Variants in WDR41 observed in about 807,000 individuals in gnomAD.
WDR41 encodes WD repeat domain 41.
A neutral mutation model predicts 69.3 loss-of-function variants in WDR41; 63 were observed. That is an observed-to-expected ratio of 0.91 (90% CI 0.74 to 1.12). The LOEUF is 1.12. Ranked by LOEUF, WDR41 falls within the 50% of genes most tolerant of loss-of-function variation. The pLI, the probability that WDR41 is intolerant of heterozygous loss-of-function variation, is 0.00. For missense variants in WDR41, 543 were observed against 534.5 expected, an observed-to-expected ratio of 1.02 and a Z score of -0.16; for synonymous variants, 185 against 192.1, an observed-to-expected ratio of 0.96 and a Z score of 0.31.
intron 1 of WDR41, among the ~76,000 whole-genome samples, chr5:77,611,387 AT>A (rs1237430347): frequency 6.6e-6 from 1 of 152,260 alleles, no homozygotes; most frequent in Non-Finnish European, 1.5e-5. Context: ...CTATTCCAAA[AT>A]TGACCACATA....
intron 7 of WDR41, among the ~76,000 whole-genome samples, chr5:77,450,811 A>G (rs1799597833): frequency 6.6e-6 from 1 of 152,160 alleles, no homozygotes; most frequent in South Asian, 2.1e-4. Context: ...TTTCTTTCTC[A>G]CATTTCTCTC....
At chr5:77,610,530 C>T (rs1277703985) in intron 1 of WDR41, among the ~76,000 whole-genome samples, 1 of 151,790 alleles carries the variant, frequency 6.6e-6, no homozygotes, top group Non-Finnish European at 1.5e-5. Flanking sequence ...AATTTTCAAC[C>T]CAGAATTTCA....
At chr5:77,495,764 A>G (rs1214232107), upstream of WDR41, among the ~76,000 whole-genome samples, 1 of 150,508 alleles carries the variant, frequency 6.6e-6, no homozygotes, top group Non-Finnish European at 1.5e-5. Context: ...TTAACTCCTT[A>G]TACAAGGCCA....
intron 2 of WDR41, among the ~76,000 whole-genome samples, chr5:77,474,509 G>C (rs532089470): frequency 2.0e-5 from 3 of 152,228 alleles, no homozygotes; most frequent in Middle Eastern, 6.8e-3. Flanking sequence ...AATTAGAGAA[G>C]CATCCAGATA....
At chr5:77,618,787 G>T (rs145918513) in intron 1 of WDR41, among the ~76,000 whole-genome samples, 4 of 152,308 alleles carry the variant, frequency 2.6e-5, no homozygotes, top group African/African-American at 9.6e-5. Context: ...GAACATGTGA[G>T]GACCTGTCAA....
intron 1 of WDR41, among the ~76,000 whole-genome samples, chr5:77,594,224 T>A (rs989339598): frequency 1.6e-4 from 21 of 130,432 alleles, no homozygotes; most frequent in Non-Finnish European, 2.8e-4. Flanking sequence ...ATGAGAACAC[T>A]TGGACACAGG....
chr5:77,582,079 T>G (rs1743949512), intron 1 of WDR41, among the ~76,000 whole-genome samples: 1 of 152,038 alleles, frequency 6.6e-6, no homozygotes. Context: ...TCAACAAAAT[T>G]GACAAACCTT....
chr5:77,571,940 T>C (rs1334631451), intron 1 of WDR41, among the ~76,000 whole-genome samples: 1 of 152,154 alleles, frequency 6.6e-6, no homozygotes, highest in Non-Finnish European at 1.5e-5. Context: ...GCATTCTTAG[T>C]GCCTGGATAA....
chr5:77,492,686 C>T (rs953049779), upstream of WDR41: 1 of 160,258 alleles, frequency 6.2e-6, no homozygotes, highest in African/African-American at 2.4e-5. Context: ...GGAAATCTCC[C>T]CTGCTTTCCC....
At chr5:77,527,576 T>C (rs1023083997) in intron 1 of WDR41, among the ~76,000 whole-genome samples, 2 of 151,842 alleles carry the variant, frequency 1.3e-5, no homozygotes, top group Non-Finnish European at 3.0e-5. Flanking sequence ...ACTATACAAT[T>C]TAAACAGAAG....
chr5:77,454,199 A>G (rs150583766), intron 5 of WDR41, among the ~76,000 whole-genome samples: 123 of 152,288 alleles, frequency 8.1e-4, no homozygotes, highest in Non-Finnish European at 1.2e-3. Context: ...TAAGGTGAAG[A>G]CACTAAAGCA....
chr5:77,480,367 A>G (rs1227983753), intron 2 of WDR41, among the ~76,000 whole-genome samples: 1 of 152,148 alleles, frequency 6.6e-6, no homozygotes, highest in Non-Finnish European at 1.5e-5. Flanking sequence ...ATAAAGACAC[A>G]TGCATACGTA....
At chr5:77,596,524 T>C (rs1744231150) in intron 1 of WDR41, among the ~76,000 whole-genome samples, 1 of 152,036 alleles carries the variant, frequency 6.6e-6, no homozygotes, top group African/African-American at 2.4e-5. Flanking sequence ...TCATCAAAAA[T>C]GTTCTTAAAC....
intron 1 of WDR41, among the ~76,000 whole-genome samples, chr5:77,490,021 G>A (rs975118576): frequency 1.3e-5 from 2 of 152,088 alleles, no homozygotes; most frequent in Non-Finnish European, 2.9e-5. Context: ...CTCAATACAT[G>A]CTTGCTAAAT....
intron 1 of WDR41, among the ~76,000 whole-genome samples, chr5:77,520,553 G>A (rs1359889481): frequency 1.3e-5 from 2 of 152,130 alleles, no homozygotes; most frequent in Non-Finnish European, 2.9e-5. Context: ...GGTATATGCA[G>A]AATGACCATC....
At chr5:77,474,925 G>C (rs1350670224) in intron 2 of WDR41, among the ~76,000 whole-genome samples, 1 of 152,202 alleles carries the variant, frequency 6.6e-6, no homozygotes, top group African/African-American at 2.4e-5. Flanking sequence ...TCACTAGGGA[G>C]TGCCAGACAG....
intron 1 of WDR41, among the ~76,000 whole-genome samples, chr5:77,570,002 A>C (rs563112608): frequency 2.6e-4 from 40 of 152,170 alleles, no homozygotes; most frequent in Non-Finnish European, 5.1e-4. Flanking sequence ...CTGAGAATAA[A>C]CTGGTATTTA....
intron 1 of WDR41, among the ~76,000 whole-genome samples, chr5:77,528,064 T>C (rs1802475636): frequency 6.6e-6 from 1 of 151,666 alleles, no homozygotes; most frequent in African/African-American, 2.4e-5. Flanking sequence ...ATAAAGATTA[T>C]ATCGAAATTA....
chr5:77,494,463 T>C (rs1005582288), upstream of WDR41, among the ~76,000 whole-genome samples: 6 of 151,952 alleles, frequency 3.9e-5, no homozygotes, highest in East Asian at 1.9e-4. Context: ...AGGGAAAGAA[T>C]AGAAAAAGAT....
Sources: gnomAD v4.1 joint callset for allele counts (sites outside exome capture counted in the v4.1 genomes callset) on GRCh38, gnomAD v4.1.1 for gene constraint, MANE v1.5 for transcripts, NCBI Gene and HGNC (gene_info 2026-07-23, HGNC 2026-07-21) for gene names.